Variants in PDE1C observed in about 807,000 individuals in gnomAD.
PDE1C encodes the protein dual specificity calcium/calmodulin-dependent 3',5'-cyclic nucleotide phosphodiesterase 1C.
In PDE1C, 62 loss-of-function variants were observed where a neutral mutation model predicts 93.1. The ratio of observed to expected loss-of-function variants is 0.67; its 90% CI spans 0.54 to 0.82. PDE1C has a LOEUF of 0.82. Ranked by LOEUF, PDE1C falls within the 40% of genes least tolerant of loss-of-function variation. The pLI is 0.00. For missense variants in PDE1C, 742 were observed against 884.6 expected, an observed-to-expected ratio of 0.84 and a Z score of 2.04; for synonymous variants, 325 against 310.1, an observed-to-expected ratio of 1.05 and a Z score of -0.50.
rs185960061 is a variant in PDE1C at position 32,366,311 on chromosome 7, C to T, written c.310+61511G>A. ...TAAAAAGTACAATTGAGAGCTTTGA[C>T]AACAGACTAGCTCAAGCAAATGACA... On this transcript the variant is annotated intron_variant, in intron 1 of 1. Transcript: ENST00000672256. 4.9e-3 allele frequency among the ~76,000 whole-genome samples: 741 copies of T among 152,142 alleles called. 2 individuals carry two copies. Among genetic ancestry groups the T allele is most frequent in the Non-Finnish European group, 9.1e-3 (618 of 68,002 alleles).
chr7:31,983,267 C>G (rs2129062165), intron 2 of PDE1C, among the ~76,000 whole-genome samples: 1 of 152,276 alleles, frequency 6.6e-6, no homozygotes, highest in East Asian at 1.9e-4. Flanking sequence ...TTAGTGAACT[C>G]AAATTTCCTA....
At chr7:32,128,296 T>C (rs1212194882) in intron 3 of PDE1C, among the ~76,000 whole-genome samples, 1 of 151,898 alleles carries the variant, frequency 6.6e-6, no homozygotes, top group Non-Finnish European at 1.5e-5. Flanking sequence ...AAGAAATATT[T>C]ATATGTAGTG....
At chr7:32,081,773 A>G (rs932999249) in intron 3 of PDE1C, among the ~76,000 whole-genome samples, 5 of 152,006 alleles carry the variant, frequency 3.3e-5, no homozygotes, top group Admixed American at 3.3e-4. Context: ...TTAAGGATTT[A>G]TTGATAGAGG....
At chr7:31,653,575 C>T in the PDE1C span, 1 of 151,824 alleles carries the variant, frequency 6.6e-6, no homozygotes, top group African/African-American at 2.4e-5. Context: ...TTTTAGGGAC[C>T]ACAAGGAATT....
chr7:31,924,179 A>T (rs568900007), intron 2 of PDE1C, among the ~76,000 whole-genome samples: 83 of 152,310 alleles, frequency 5.4e-4, no homozygotes, highest in African/African-American at 1.8e-3. Flanking sequence ...TTTCCTAAGC[A>T]TCCTGTATGG....
At chr7:32,253,783 G>C (rs1055725254) in intron 1 of PDE1C, among the ~76,000 whole-genome samples, 1 of 152,184 alleles carries the variant, frequency 6.6e-6, no homozygotes, top group African/African-American at 2.4e-5. Flanking sequence ...AGACACACAC[G>C]TATAAGCAGA....
intron 2 of PDE1C, among the ~76,000 whole-genome samples, chr7:31,897,275 G>C (rs994138252): frequency 1.3e-5 from 2 of 152,202 alleles, no homozygotes; most frequent in African/African-American, 4.8e-5. Context: ...ATGAAGTGAT[G>C]ATTGTAAATT....
chr7:32,412,455 C>CAAAAAA (rs34753013), intron 1 of PDE1C, among the ~76,000 whole-genome samples: 6 of 85,512 alleles, frequency 7.0e-5, no homozygotes, highest in African/African-American at 2.1e-4. Flanking sequence ...GACCCTGTCT[C>CAAAAAA]AAAAAAAAAA....
intron 1 of PDE1C, among the ~76,000 whole-genome samples, chr7:32,388,961 G>A (rs1784694190): frequency 6.6e-6 from 1 of 152,152 alleles, no homozygotes; most frequent in Non-Finnish European, 1.5e-5. Context: ...ATGCCAGGTT[G>A]ACTAGTAAAT....
chr7:32,081,713 T>G (rs1468596985), intron 3 of PDE1C, among the ~76,000 whole-genome samples: 1 of 152,242 alleles, frequency 6.6e-6, no homozygotes, highest in African/African-American at 2.4e-5. Flanking sequence ...GAAATTTTAA[T>G]GCATGACCTT....
At chr7:31,847,461 A>C (rs1296950673) in intron 9 of PDE1C, among the ~76,000 whole-genome samples, 1 of 152,126 alleles carries the variant, frequency 6.6e-6, no homozygotes, top group African/African-American at 2.4e-5. Flanking sequence ...TCCAAATCAA[A>C]TATAGGGTGA....
intron 1 of PDE1C, among the ~76,000 whole-genome samples, chr7:32,246,810 A>G (rs1178591536): frequency 6.6e-6 from 1 of 152,236 alleles, no homozygotes; most frequent in African/African-American, 2.4e-5. Flanking sequence ...TGAGAACAAA[A>G]TAACTCATGT....
intron 1 of PDE1C, among the ~76,000 whole-genome samples, chr7:32,261,681 A>T (rs1810212283): frequency 6.6e-6 from 1 of 152,202 alleles, no homozygotes; most frequent in South Asian, 2.1e-4. Flanking sequence ...GCCAGGAATT[A>T]AGTCAACTTT....
intron 2 of PDE1C, among the ~76,000 whole-genome samples, chr7:32,185,159 C>T (rs1450369820): frequency 2.0e-5 from 3 of 146,862 alleles, no homozygotes; most frequent in Non-Finnish European, 3.0e-5. Context: ...GCAGGAGAAT[C>T]GCTTGAACCC....
At chr7:31,807,727 T>C (rs1787038331) in intron 16 of PDE1C, among the ~76,000 whole-genome samples, 1 of 151,982 alleles carries the variant, frequency 6.6e-6, no homozygotes, top group Admixed American at 6.6e-5. Flanking sequence ...CTGTACATTT[T>C]CTGGCTTTGG....
At chr7:32,387,684 C>A (rs1354047370) in intron 1 of PDE1C, among the ~76,000 whole-genome samples, 7 of 137,096 alleles carry the variant, frequency 5.1e-5, no homozygotes, top group African/African-American at 2.0e-4. Flanking sequence ...GGGGGCTGAC[C>A]CCCCCCACCT....
At chr7:31,707,453 C>G in the PDE1C span, 1 of 586,848 alleles carries the variant, frequency 1.7e-6, no homozygotes, top group Non-Finnish European at 3.0e-6. Flanking sequence ...ACCTCTTTGT[C>G]TCTCTCTTCT....
At chr7:32,077,103 G>T (rs974715299) in intron 3 of PDE1C, among the ~76,000 whole-genome samples, 2 of 152,162 alleles carry the variant, frequency 1.3e-5, no homozygotes, top group African/African-American at 4.8e-5. Flanking sequence ...AGCCAGGCGT[G>T]GTGGCACATT....
At chr7:31,683,396 A>G in the PDE1C span, among the ~76,000 whole-genome samples, 1 of 149,378 alleles carries the variant, frequency 6.7e-6, no homozygotes, top group Non-Finnish European at 1.5e-5. Flanking sequence ...TAATGTGACA[A>G]TTCATATCTG....
Sources: gnomAD v4.1 joint callset for allele counts (sites outside exome capture counted in the v4.1 genomes callset) on GRCh38, gnomAD v4.1.1 for gene constraint, MANE v1.5 for transcripts, NCBI Gene and HGNC (gene_info 2026-07-23, HGNC 2026-07-21) for gene names.